Variants in ARHGAP10 observed in about 807,000 individuals in gnomAD.
ARHGAP10 encodes the protein rho GTPase-activating protein 10.
A neutral mutation model predicts 108.6 loss-of-function variants in ARHGAP10; 87 were observed. That is an observed-to-expected ratio of 0.80 (90% CI 0.67 to 0.96). ARHGAP10 has a LOEUF of 0.96. ARHGAP10 is among the 40% of genes least tolerant of loss of function. The pLI is 0.00. For synonymous variants in ARHGAP10, 347 were observed against 341.1 expected (o/e 1.02, Z -0.19); for missense variants, 939 against 954.5 (o/e 0.98, Z 0.21).
intron 19 of ARHGAP10, among the ~76,000 whole-genome samples, chr4:148,029,602 G>A (rs983197204): frequency 3.3e-5 from 5 of 152,152 alleles, no homozygotes; most frequent in Admixed American, 6.5e-5. Flanking sequence ...ATCAATCCAG[G>A]TAACTGGACT....
At chr4:147,901,375 C>T (rs1156307925) in intron 10 of ARHGAP10, among the ~76,000 whole-genome samples, 8 of 152,162 alleles carry the variant, frequency 5.3e-5, no homozygotes, top group Non-Finnish European at 1.0e-4. Context: ...TAAAGTAATG[C>T]GTTGCAAGTG....
chr4:147,965,167 T>C (rs751205693), intron 17 of ARHGAP10, 38 bp downstream of exon 17: 8 of 1,516,566 alleles, frequency 5.3e-6, no homozygotes. Context: ...TTCTTCACTT[T>C]GCTCTAGGTG....
intron 16 of ARHGAP10, among the ~76,000 whole-genome samples, chr4:147,960,943 C>G (rs1218882682): frequency 6.6e-6 from 1 of 152,208 alleles, no homozygotes; most frequent in East Asian, 1.9e-4. Context: ...ATAGATTTAT[C>G]TGTTCTACTG....
chr4:147,955,513 C>T, intron 16 of ARHGAP10, 139 bp downstream of exon 16: 1 of 690,896 alleles, frequency 1.4e-6, no homozygotes, highest in Non-Finnish European at 2.5e-6. Flanking sequence ...TGTTTGGTGC[C>T]TCCCCTCATC....
intron 20 of ARHGAP10, among the ~76,000 whole-genome samples, chr4:148,058,297 A>G (rs1157515760): frequency 1.3e-5 from 2 of 152,148 alleles, no homozygotes; most frequent in Non-Finnish European, 2.9e-5. Context: ...ATTGCAGTGC[A>G]AACTTCTGAT....
At chr4:147,876,667 T>C (rs1735076504) in intron 8 of ARHGAP10, among the ~76,000 whole-genome samples, 1 of 152,222 alleles carries the variant, frequency 6.6e-6, no homozygotes, top group Admixed American at 6.5e-5. Flanking sequence ...ATTTGTATTA[T>C]ATGCCCAAGT....
intron 1 of ARHGAP10, among the ~76,000 whole-genome samples, chr4:147,795,688 T>A (rs950097069): frequency 1.1e-4 from 17 of 151,360 alleles, no homozygotes; most frequent in African/African-American, 2.2e-4. Flanking sequence ...TTTATTTTTT[T>A]AATTTAATTT....
At chr4:147,821,075 G>A (rs1374680737) in intron 1 of ARHGAP10, among the ~76,000 whole-genome samples, 3 of 152,164 alleles carry the variant, frequency 2.0e-5, no homozygotes, top group Admixed American at 6.5e-5. Flanking sequence ...TGGCTGGCTG[G>A]TGGGCTGCTG....
intron 1 of ARHGAP10, among the ~76,000 whole-genome samples, chr4:147,764,649 T>G (rs1729721505): frequency 6.6e-6 from 1 of 152,158 alleles, no homozygotes; most frequent in Non-Finnish European, 1.5e-5. Context: ...TTCTCGTGCC[T>G]CAGCCTCCCA....
At chr4:147,982,544 A>ATTT (rs1276269006) in intron 18 of ARHGAP10, among the ~76,000 whole-genome samples, 4 of 105,398 alleles carry the variant, frequency 3.8e-5, no homozygotes, top group South Asian at 3.1e-4. Context: ...ACCCAGCTAA[A>ATTT]TCTTTTTTTT....
intron 1 of ARHGAP10, among the ~76,000 whole-genome samples, chr4:147,748,681 A>C (rs1729026366): frequency 6.6e-6 from 1 of 152,208 alleles, no homozygotes; most frequent in Non-Finnish European, 1.5e-5. Context: ...CACAAAAAGC[A>C]GTAGATAGGC....
At chr4:147,870,975 T>TGTGTGTGTG (rs1734795900) in intron 7 of ARHGAP10, among the ~76,000 whole-genome samples, 1 of 130,944 alleles carries the variant, frequency 7.6e-6, no homozygotes, top group Non-Finnish European at 1.7e-5. Context: ...TGTGTGTGTG[T>TGTGTGTGTG]TTGAGATGGA....
At chr4:148,016,235 G>A (rs1337134210) in intron 18 of ARHGAP10, among the ~76,000 whole-genome samples, 1 of 152,184 alleles carries the variant, frequency 6.6e-6, no homozygotes, top group Admixed American at 6.5e-5. Flanking sequence ...TGGATGCAGT[G>A]ACTCATACCT....
intron 16 of ARHGAP10, among the ~76,000 whole-genome samples, chr4:147,958,517 AACAT>A (rs1422117899): frequency 1.3e-5 from 2 of 152,216 alleles, no homozygotes; most frequent in African/African-American, 4.8e-5. Flanking sequence ...GTTTTTGATA[AACAT>A]ATCTGGGAAG....
rs1289016259 is a variant in ARHGAP10 at position 147,784,685 on chromosome 4, AAAAT to A, written c.155-38040_155-38037del. ...AATATATATTATATATTATAAATATAAAATATATATTATAAAATATATATTATAA... is the reference window on the plus strand; with the variant it reads ...AATATATATTATATATTATAAATATAATATATTATAAAATATATATTATAA... On this transcript the variant is annotated intron_variant, in intron 1 of 22. Coordinates refer to ENST00000336498, the MANE Select transcript of ARHGAP10 (RefSeq NM_024605.4). Among the ~76,000 whole-genome samples the A allele has an allele frequency of 1.5e-3, 121 of 82,952 alleles. 14 individuals carry two copies. Among genetic ancestry groups the A allele is most frequent in the African/African-American group, 4.4e-3 (95 of 21,406 alleles). 54.4% of individuals were successfully genotyped at this position (82,952 alleles called of 152,430 possible).
intron 15 of ARHGAP10, among the ~76,000 whole-genome samples, chr4:147,949,089 A>C (rs1396827930): frequency 1.6e-4 from 24 of 152,154 alleles, no homozygotes; most frequent in Admixed American, 1.6e-3. Context: ...ATGATATAAA[A>C]TTTATCCGTG....
intron 1 of ARHGAP10, among the ~76,000 whole-genome samples, chr4:147,784,089 A>G (rs1483611358): frequency 8.2e-6 from 1 of 121,854 alleles, no homozygotes; most frequent in Non-Finnish European, 1.6e-5. Flanking sequence ...TATAATTTAC[A>G]TAACATTAAA....
intron 1 of ARHGAP10, among the ~76,000 whole-genome samples, chr4:147,779,294 G>T (rs148892505): frequency 1.1e-3 from 160 of 152,274 alleles, no homozygotes; most frequent in African/African-American, 3.8e-3. Context: ...ACCACTCTTG[G>T]CAGGTGTGCA....
intron 3 of ARHGAP10, among the ~76,000 whole-genome samples, chr4:147,831,917 C>T (rs149625521): frequency 3.3e-5 from 5 of 152,302 alleles, no homozygotes; most frequent in African/African-American, 1.2e-4. Context: ...GACTCAGTGT[C>T]CTCTCTGTTG....
Sources: gnomAD v4.1 joint callset for allele counts (sites outside exome capture counted in the v4.1 genomes callset) on GRCh38, gnomAD v4.1.1 for gene constraint, MANE v1.5 for transcripts, NCBI Gene and HGNC (gene_info 2026-07-23, HGNC 2026-07-21) for gene names.